The following COQ9 variants were observed in gnomAD, a reference collection of about 807,000 sequenced individuals.
COQ9 encodes ubiquinone biosynthesis protein COQ9, mitochondrial.
Under a neutral mutation model 42.4 loss-of-function variants are expected in COQ9, and 35 were observed. The observed-to-expected ratio is 0.83, with a 90% CI of 0.63 to 1.10. COQ9 has a LOEUF of 1.10. Ranked by LOEUF, COQ9 falls within the 50% of genes least tolerant of loss-of-function variation. The pLI is 0.00. For synonymous variants in COQ9, 155 were observed against 155.1 expected (o/e 1.00, Z 0.00); for missense variants, 406 against 414.6 (o/e 0.98, Z 0.18).
chr16:57,458,348 G>T lies in COQ9; in HGVS notation c.709G>T (p.Asp237Tyr). The change falls in exon 6 of 9, where the codon GAT (aspartate) becomes TAT (tyrosine). Residue 237 changes from aspartate to tyrosine, a missense_variant and splice_region_variant. Coordinates refer to ENST00000262507, the MANE Select transcript of COQ9 (RefSeq NM_020312.4). The part of the protein sequence containing the change: ...MWHYAGDQST[D>Y]FNWYTRRAML... ...GCATTACGCTGGGGACCAGTCCACT[G>T]ATGTGAGTGCTTTCTGCAGGCCCAC... 6.2e-7 allele frequency: 1 copy of T among 1,606,440 alleles called. No homozygotes were observed. The highest frequency in any genetic ancestry group is 1.1e-5 in the South Asian group (1 of 90,182).
chr16:57,455,696 C>T lies in COQ9; in HGVS notation c.379-808C>T, dbSNP rs1309267275. Among the ~76,000 whole-genome samples, 3 of 151,768 alleles carry T rather than the reference C, an allele frequency of 2.0e-5. No homozygotes were observed. In the East Asian group the frequency reaches 5.8e-4, roughly 29 times the overall value. On this transcript the variant is annotated intron_variant, in intron 3 of 8. Transcript: ENST00000262507. Reference sequence around the variant, plus strand: ...GTGTGCATAGAAGGCGAGGAAGTGGCGAGGCGTTTGGCTGCGAGGGGTAGA... The same window carrying T: ...GTGTGCATAGAAGGCGAGGAAGTGGTGAGGCGTTTGGCTGCGAGGGGTAGA...
intron 2 of COQ9, 29 bp from the exon 3 acceptor site, chr16:57,452,772 G>A (rs2030316477): frequency 6.2e-7 from 1 of 1,612,594 alleles, no homozygotes; most frequent in East Asian, 2.2e-5. Flanking sequence ...AGGAGATGAA[G>A]TATGCTGGGC....
rs574547720 is a variant in COQ9, at chr16:57,456,768, G to T, written c.521+122G>T. The T allele has an allele frequency of 1.8e-4, 253 of 1,395,574 alleles. 3 individuals carry two copies. The South Asian group carries it at 3.0e-3, about 16-fold the overall frequency. 86.4% of individuals were successfully genotyped at this position (1,395,574 alleles called of 1,614,324 possible). A position where few individuals can be genotyped will look rare whatever the true frequency, so the allele number is the denominator to read the frequency against. On this transcript the variant is annotated intron_variant, in intron 4 of 8. Transcript: ENST00000262507. ...AAAGAGAGCAGCATTGGGCAGCCCTGCTGCTGTGATGGGACTGAAACCTGG... is the reference window on the plus strand; with the variant it reads ...AAAGAGAGCAGCATTGGGCAGCCCTTCTGCTGTGATGGGACTGAAACCTGG...
chr16:57,452,981 G>C, intron 3 of COQ9, 45 bp downstream of exon 3: 1 of 1,612,148 alleles, frequency 6.2e-7, no homozygotes, highest in South Asian at 1.1e-5. Context: ...GATGAGCCAG[G>C]ATGGAGTCAC....
chr16:57,448,281 A>T (rs1311550380), intron 1 of COQ9, among the ~76,000 whole-genome samples: 2 of 151,802 alleles, frequency 1.3e-5, no homozygotes, highest in Admixed American at 6.6e-5. Context: ...TTTGTGCCGT[A>T]TCTTTCAGTA....
chr16:57,459,128 G>T (rs1262756552), intron 6 of COQ9, among the ~76,000 whole-genome samples: 1 of 152,156 alleles, frequency 6.6e-6, no homozygotes, highest in Non-Finnish European at 1.5e-5. Context: ...CTTTGCCCAG[G>T]TATTGTAATC....
At chr16:57,458,082 A>G (rs1860953213) in intron 5 of COQ9, 164 bp from the exon 6 acceptor site, 1 of 669,428 alleles carries the variant, frequency 1.5e-6, no homozygotes, top group Non-Finnish European at 2.7e-6. Context: ...AGCTGTAGTC[A>G]GCATTGCTAG....
In COQ9 at chr16:57,452,839, A is replaced by C. The variant is rs1348259043; in HGVS notation, c.281A>C (p.Glu94Ala). 1.2e-6 allele frequency: 2 copies of C among 1,613,562 alleles called. No individual in the cohort carries two copies. Among genetic ancestry groups the C allele is most frequent in the Non-Finnish European group, 1.7e-6 (2 of 1,180,024 alleles). The change falls in exon 3 of 9, where the codon GAA (glutamate) becomes GCA (alanine). Residue 94 changes from glutamate to alanine, a missense_variant. Physicochemically the swap from Glu to Ala is moderately radical, Grantham distance 107. Transcript: ENST00000262507. ...DQGGEEEEDYESEEQLQHRIL... is the reference protein window; with the variant it reads ...DQGGEEEEDYASEEQLQHRIL... ...GGCGGCGAGGAGGAGGAGGACTATG[A>C]AAGTGAGGAGCAGTTGCAGCACCGC... is the stretch of plus-strand genomic sequence containing the variant.
Position 57,456,749 on chromosome 16 carries a change from AGCAGCATTGG to A in COQ9, c.521+109_521+118del, listed in dbSNP as rs1290688241. Reference sequence around the variant, plus strand: ...GCCAATCCAAGCAGAACCCAAAGAGAGCAGCATTGGGCAGCCCTGCTGCTGTGATGGGACT... The same window carrying A: ...GCCAATCCAAGCAGAACCCAAAGAGAGCAGCCCTGCTGCTGTGATGGGACT... On this transcript the variant is annotated intron_variant, in intron 4 of 8. Coordinates refer to ENST00000262507, the MANE Select transcript of COQ9 (RefSeq NM_020312.4). 15 of 1,450,690 alleles carry A rather than the reference AGCAGCATTGG, an allele frequency of 1.0e-5. No individual in the cohort carries two copies. In the Admixed American group the frequency reaches 2.9e-4, roughly 28 times the overall value. 89.9% of individuals were successfully genotyped at this position (1,450,690 alleles called of 1,614,324 possible). A position where few individuals can be genotyped will look rare whatever the true frequency, so the allele number is the denominator to read the frequency against.
At chr16:57,452,668 A>G in intron 2 of COQ9, 133 bp from the exon 3 acceptor site, 2 of 1,129,330 alleles carry the variant, frequency 1.8e-6, no homozygotes, top group Non-Finnish European at 2.7e-6. Context: ...CAAGAAAACC[A>G]CATTGATAGT....
At chr16:57,460,490 G>GAA (rs373854892) in intron 8 of COQ9, 99 bp from the exon 9 acceptor site, 198 of 985,214 alleles carry the variant, frequency 2.0e-4, no homozygotes, top group East Asian at 2.5e-4. Context: ...ATGCAAAAAA[G>GAA]AAAAAAAAAA....
Position 57,456,505 on chromosome 16 carries a change from C to T in COQ9, c.380C>T (p.Ser127Phe). ...TGTTTTCTGTCTCCCCTTTTGTAGT[C>T]TCTGGGTCTCTCCAGTGCAGCAGCC... ...TAEAIAEGAQ[S>F]LGLSSAAASM... The change falls in exon 4 of 9, where the codon TCT becomes TTT. Residue 127 changes from serine (S) to phenylalanine (F), a missense_variant and splice_region_variant. Transcript: ENST00000262507. 2 of 1,614,172 alleles carry T rather than the reference C, an allele frequency of 1.2e-6. No individual in the cohort carries two copies. The highest frequency in any genetic ancestry group is 1.7e-6 in the Non-Finnish European group (2 of 1,180,022).
chr16:57,459,912 T>G, intron 7 of COQ9, 139 bp from the exon 8 acceptor site: 1 of 1,006,428 alleles, frequency 9.9e-7, no homozygotes, highest in Admixed American at 1.9e-5. Context: ...GTGATTGTGT[T>G]GTCCAAAGCT....
At chr16:57,459,907 T>C (rs2146593581) in intron 7 of COQ9, 144 bp from the exon 8 acceptor site, 1 of 988,286 alleles carries the variant, frequency 1.0e-6, no homozygotes, top group South Asian at 1.3e-5. Flanking sequence ...CATTTGTGAT[T>C]GTGTTGTCCA....
At chr16:57,452,965 A>G (rs2146587840) in intron 3 of COQ9, 29 bp downstream of exon 3, 1 of 1,612,698 alleles carries the variant, frequency 6.2e-7, no homozygotes, top group Non-Finnish European at 8.5e-7. Context: ...GGGGCCACCT[A>G]ACCAAGATGA....
rs187416347 is a variant in COQ9, at chr16:57,452,241, T to A, written c.243-560T>A. Among the ~76,000 whole-genome samples the A allele has an allele frequency of 2.3e-3, 343 of 152,314 alleles. 3 individuals are homozygous for A. In the Middle Eastern group the frequency reaches 0.041, roughly 18 times the overall value. ...GTGCTAAGGGCTGAAAACAGGGAAC[T>A]CCAGGGTGCAGCAATGCCTTCATAC... On this transcript the variant is annotated intron_variant, in intron 2 of 8. Transcript: ENST00000262507.
intron 1 of COQ9, among the ~76,000 whole-genome samples, chr16:57,447,995 C>A (rs1567576793): frequency 6.6e-6 from 1 of 152,210 alleles, no homozygotes; most frequent in Admixed American, 6.5e-5. Context: ...CTCACCACTT[C>A]ACGAATTCTG....
chr16:57,456,898 CA>C, intron 4 of COQ9, 32 bp from the exon 5 acceptor site: 1 of 1,585,156 alleles, frequency 6.3e-7, no homozygotes, highest in Non-Finnish European at 8.7e-7. Context: ...GCCTTTCACT[CA>C]GAGACACACT....
intron 1 of COQ9, among the ~76,000 whole-genome samples, chr16:57,450,412 CAAAAAAAA>C (rs59815351): frequency 4.3e-5 from 4 of 92,462 alleles, no homozygotes; most frequent in South Asian, 3.5e-4. Context: ...GAGACTCTGA[CAAAAAAAA>C]AAAAAAAAAA....
Sources: gnomAD v4.1 joint callset for allele counts (sites outside exome capture counted in the v4.1 genomes callset) on GRCh38, gnomAD v4.1.1 for gene constraint, MANE v1.5 for transcripts, NCBI Gene and HGNC (gene_info 2026-07-23, HGNC 2026-07-21) for gene names.